The following FCHSD1 variants were observed in gnomAD, a reference collection of about 807,000 sequenced individuals.
FCHSD1 encodes FCH and double SH3 domains 1.
Under a neutral mutation model 101.3 loss-of-function variants are expected in FCHSD1, and 109 were observed. The observed-to-expected ratio is 1.08, with a 90% CI of 0.92 to 1.26. The LOEUF is 1.26. Ranked by LOEUF, FCHSD1 falls within the 50% of genes most tolerant of loss-of-function variation. The pLI is 0.00. For missense variants in FCHSD1, 820 were observed against 895.8 expected (o/e 0.92, Z 1.08); for synonymous variants, 291 against 356.8 (o/e 0.82, Z 2.08).
chr5:141,649,760 C>T lies in FCHSD1; in HGVS notation c.233+127G>A. The T allele has an allele frequency of 8.1e-7, 1 of 1,239,376 alleles. No homozygotes were observed. The highest frequency in any genetic ancestry group is 2.4e-4 in the Middle Eastern group (1 of 4,138). 76.8% of individuals were successfully genotyped at this position (1,239,376 alleles called of 1,614,324 possible). On this transcript the variant is annotated intron_variant, in intron 4 of 19. Transcript: ENST00000435817. The surrounding 1 kb of genome is among the most constrained non-coding windows in gnomAD (Gnocchi z 4.1). The stretch of plus-strand genomic sequence containing the variant: ...TGCTGGGTCAGCTCCTCTGCTGCTG[C>T]TGTGTCAGCTCTACCTACAGCTCAC...
At position 141,647,187 on chromosome 5, in the gene FCHSD1, C is replaced by T. The variant is rs1432888121; in HGVS notation, c.872G>A (p.Gly291Asp). 6.2e-7 allele frequency: 1 copy of T among 1,609,938 alleles called. No homozygotes were observed. Among genetic ancestry groups the T allele is most frequent in the Non-Finnish European group, 8.5e-7 (1 of 1,178,120 alleles). The change falls in exon 10 of 20, where the codon GGT becomes GAT. Residue 291 changes from glycine (G) to aspartate (D), a missense_variant. Coordinates refer to ENST00000435817, the MANE Select transcript of FCHSD1 (RefSeq NM_033449.3). ...QDLKLFLQEP[G>D]VFSPTPPQQF... ...CTGAGGTGGGGTGGGGGAAAATACA[C>T]CAGGCTCCTGAAGAAACAGCTTCAG...
In FCHSD1 at chr5:141,639,861, G is replaced by A; in HGVS notation, c.*1637C>T. The A allele has an allele frequency of 1.3e-6, 2 of 1,563,912 alleles. No homozygotes were observed. The highest frequency in any genetic ancestry group is 8.8e-7 in the Non-Finnish European group (1 of 1,136,914). On this transcript the variant is annotated 3_prime_UTR_variant, in exon 20 of 20. Transcript: ENST00000435817. The surrounding 1 kb of genome is among the most constrained non-coding windows in gnomAD (Gnocchi z 4.4). ...AACTCAGGATGTCCCTGGTCAGAGG[G>A]GAGGGCCAAGCAGCCTCTGAGTTGT...
chr5:141,639,752 G>A lies in FCHSD1; in HGVS notation c.*1746C>T. On this transcript the variant is annotated 3_prime_UTR_variant, in exon 20 of 20. Coordinates refer to ENST00000435817, the MANE Select transcript of FCHSD1 (RefSeq NM_033449.3). The surrounding 1 kb of genome is among the most constrained non-coding windows in gnomAD (Gnocchi z 4.4). ...TTGGCTCTTTCCTCCTGGACTGGGA[G>A]CTCCGGCAGAAGTCAGGCTACACAA... 7.5e-7 allele frequency: 1 copy of A among 1,326,422 alleles called. No homozygotes were observed. The highest frequency in any genetic ancestry group is 1.0e-6 in the Non-Finnish European group (1 of 955,054). The allele number at this position is 1,326,422 out of a possible 1,614,324, so 82.2% of individuals were successfully genotyped here.
intron 18 of FCHSD1, chr5:141,642,454 C>G (rs2099907038): frequency 2.9e-6 from 2 of 680,768 alleles, no homozygotes; most frequent in Non-Finnish European, 5.3e-6. Flanking sequence ...CCAATCTCCA[C>G]CAGTATGCAA....
intron 18 of FCHSD1, chr5:141,642,714 A>G: frequency 3.7e-6 from 2 of 546,922 alleles, no homozygotes; most frequent in Non-Finnish European, 6.4e-6. Context: ...TGTGTAGTCC[A>G]CAGGCATCTT....
chr5:141,639,902 T>TG lies in FCHSD1; in HGVS notation c.*1595dup. On this transcript the variant is annotated 3_prime_UTR_variant, in exon 20 of 20. Coordinates refer to ENST00000435817, the MANE Select transcript of FCHSD1 (RefSeq NM_033449.3). This position sits in a 1 kb window ranked among gnomAD's most constrained non-coding sequence, Gnocchi z 4.4. Reference sequence around the variant, plus strand: ...TCTGAGTTGTGGTCCTAAACCCCAGTGTTCCCTCCCCTCCCAGGTTCCGGG... The same window carrying TG: ...TCTGAGTTGTGGTCCTAAACCCCAGTGGTTCCCTCCCCTCCCAGGTTCCGGG... 6.2e-7 allele frequency: 1 copy of TG among 1,613,446 alleles called. No homozygotes were observed. The highest frequency in any genetic ancestry group is 1.1e-5 in the South Asian group (1 of 91,052).
At chr5:141,645,736 A>C in intron 13 of FCHSD1, 35 bp downstream of exon 13, 1 of 1,581,388 alleles carries the variant, frequency 6.3e-7, no homozygotes, top group Non-Finnish European at 8.6e-7. Flanking sequence ...TTTCCCTTCT[A>C]AGTAAGGATG....
Position 141,645,864 on chromosome 5 carries a change from C to T in FCHSD1, c.1218G>A (p.Trp406Ter), listed in dbSNP as rs760710261. ...LQGAGLDVERWLKPAMTQAQD... is the reference protein window; with the variant it reads ...LQGAGLDVER ...GGGCCTGGGTCATGGCTGGCTTCAG[C>T]CAGCGCTCCACATCTAAGCCAGCCC... The change falls in exon 13 of 20, where the codon TGG becomes TGA. Residue 406 changes from tryptophan to a stop codon, truncating the protein, a stop_gained. Coordinates refer to ENST00000435817, the MANE Select transcript of FCHSD1 (RefSeq NM_033449.3). LOFTEE classifies it high-confidence loss of function. The T allele has an allele frequency of 6.3e-7, 1 of 1,595,408 alleles. No individual in the cohort carries two copies. The highest frequency in any genetic ancestry group is 8.5e-7 in the Non-Finnish European group (1 of 1,170,936).
chr5:141,645,281 C>T (rs2099907512), intron 13 of FCHSD1, 133 bp from the exon 14 acceptor site: 7 of 1,264,716 alleles, frequency 5.5e-6, no homozygotes, highest in Non-Finnish European at 7.6e-6. Flanking sequence ...TCACCATGTA[C>T]ACAACCACAG....
At position 141,640,399 on chromosome 5, in the gene FCHSD1, C is replaced by T; in HGVS notation, c.*1099G>A. On this transcript the variant is annotated 3_prime_UTR_variant, in exon 20 of 20. Coordinates refer to ENST00000435817, the MANE Select transcript of FCHSD1 (RefSeq NM_033449.3). ...CCTGGTCTCTCATTGTTGACCCCTC[C>T]CCTTTCTCTCAGGTGTCTCTACCAC... is the stretch of plus-strand genomic sequence containing the variant. The T allele has an allele frequency of 2.5e-6, 4 of 1,614,188 alleles. No homozygotes were observed. The highest frequency in any genetic ancestry group is 2.5e-6 in the Non-Finnish European group (3 of 1,180,012).
chr5:141,642,918 G>C, intron 18 of FCHSD1, 83 bp downstream of exon 18: 2 of 1,377,830 alleles, frequency 1.5e-6, no homozygotes, highest in Non-Finnish European at 2.0e-6. Flanking sequence ...GCACGGAGAG[G>C]ACCAGAGCGT....
intron 17 of FCHSD1, 26 bp downstream of exon 17, chr5:141,644,188 TGGGG>T: frequency 6.3e-7 from 1 of 1,583,240 alleles, no homozygotes; most frequent in Non-Finnish European, 8.6e-7. Flanking sequence ...CAGAGGTGCC[TGGGG>T]AGTTCAGGGA....
intron 3 of FCHSD1, 82 bp from the exon 4 acceptor site, chr5:141,650,036 A>T: frequency 7.2e-7 from 1 of 1,385,648 alleles, no homozygotes; most frequent in Non-Finnish European, 9.7e-7. Flanking sequence ...GAGTATAATC[A>T]TACCATTCTT....
Position 141,640,611 on chromosome 5 carries a change from G to A in FCHSD1, c.*887C>T. 1 of 1,540,660 alleles carries A rather than the reference G, an allele frequency of 6.5e-7. No homozygotes were observed. The highest frequency in any genetic ancestry group is 1.4e-5 in the African/African-American group (1 of 73,058). On this transcript the variant is annotated 3_prime_UTR_variant, in exon 20 of 20. Coordinates refer to ENST00000435817, the MANE Select transcript of FCHSD1 (RefSeq NM_033449.3). ...GGTAGGGAAGGTCCTGGAGCCCCAG[G>A]GGAAAAGCTGGACACAGCTTGAACA...
chr5:141,647,927 C>T (rs187589029), intron 8 of FCHSD1, 41 bp downstream of exon 8: 912 of 1,602,376 alleles, frequency 5.7e-4, no homozygotes, highest in Non-Finnish European at 6.4e-4. Flanking sequence ...TCCTCCTTTC[C>T]CTCCCTGCTG....
Position 141,651,160 on chromosome 5 carries a change from TA to T in FCHSD1, c.22-44del, listed in dbSNP as rs751496067. 352 of 1,490,372 alleles carry T rather than the reference TA, an allele frequency of 2.4e-4. 4 individuals carry two copies. The South Asian group carries it at 3.8e-3, about 16-fold the overall frequency. 92.3% of individuals were successfully genotyped at this position (1,490,372 alleles called of 1,614,324 possible). On this transcript the variant is annotated intron_variant, in intron 1 of 19. Coordinates refer to ENST00000435817, the MANE Select transcript of FCHSD1 (RefSeq NM_033449.3). ...GGATGAAGACCCCAGCGCAAGGACC[TA>T]AAAAACACTCCGCGCAGGGAGCGGT...
In FCHSD1 at chr5:141,645,160, A is replaced by G; in HGVS notation, c.1312-12T>C. The G allele has an allele frequency of 6.5e-7, 1 of 1,533,864 alleles. No homozygotes were observed. Among genetic ancestry groups the G allele is most frequent in the Non-Finnish European group, 8.8e-7 (1 of 1,141,254 alleles). On this transcript the variant is annotated splice_polypyrimidine_tract_variant and intron_variant, in intron 13 of 19. Transcript: ENST00000435817. ...TCAGCATCCTCAGCCTAGAGGGGCA[A>G]AGAACAGACCTCATATGGGGCCCAC... is the stretch of plus-strand genomic sequence containing the variant.
Position 141,649,847 on chromosome 5 carries a change from C to G in FCHSD1, c.233+40G>C, listed in dbSNP as rs1383603938. The G allele has an allele frequency of 2.6e-6, 4 of 1,538,998 alleles. No individual in the cohort carries two copies. Among genetic ancestry groups the G allele is most frequent in the African/African-American group, 1.4e-5 (1 of 72,140 alleles). ...GTTCCTGGGGCTGAGCTCCCCATCACTTTTTGGCCTCTGTGGCCCTCCCCC... is the reference window on the plus strand; with the variant it reads ...GTTCCTGGGGCTGAGCTCCCCATCAGTTTTTGGCCTCTGTGGCCCTCCCCC... On this transcript the variant is annotated intron_variant, in intron 4 of 19. Coordinates refer to ENST00000435817, the MANE Select transcript of FCHSD1 (RefSeq NM_033449.3). The surrounding 1 kb of genome is among the most constrained non-coding windows in gnomAD (Gnocchi z 4.1).
At chr5:141,650,016 T>A (rs1008933758) in intron 3 of FCHSD1, 62 bp from the exon 4 acceptor site, 44 of 1,469,028 alleles carry the variant, frequency 3.0e-5, no homozygotes, top group Admixed American at 7.6e-5. Flanking sequence ...ACTGGCAGAA[T>A]ATGACATCAG....
Sources: gnomAD v4.1 joint callset for allele counts on GRCh38, gnomAD v4.1.1 for gene constraint, Gnocchi (gnomAD v3.1) non-coding constraint, MANE v1.5 for transcripts, NCBI Gene and HGNC (gene_info 2026-07-23, HGNC 2026-07-21) for gene names.